FAM186B: variants seen among roughly 807,000 people sequenced by gnomAD.
FAM186B encodes family with sequence similarity 186 member B, also known as protein FAM186B.
Under a neutral mutation model 83.4 loss-of-function variants are expected in FAM186B, and 68 were observed. The observed-to-expected ratio is 0.81, with a 90% CI of 0.67 to 1.00. The LOEUF (loss-of-function observed/expected upper bound fraction) is 1.00. Ranked by LOEUF, FAM186B falls within the 50% of genes least tolerant of loss-of-function variation. The probability of loss-of-function intolerance (pLI) is 0.00; values close to 1 mark genes in which losing one functional copy is unlikely to be tolerated. For missense variants in FAM186B, 983 were observed against 1,099.2 expected (o/e 0.89, Z 1.49); for synonymous variants, 389 against 422.0 (o/e 0.92, Z 0.96).
chr12:49,609,128 G>T (rs1434258543), upstream of FAM186B, among the ~76,000 whole-genome samples: 1 of 152,184 alleles, frequency 6.6e-6, no homozygotes, highest in African/African-American at 2.4e-5. Context: ...CCTGTCACAG[G>T]ACTGGGGTGG....
downstream of FAM186B, among the ~76,000 whole-genome samples, chr12:49,585,429 GACACAC>G (rs564562847): frequency 6.6e-6 from 1 of 152,170 alleles, no homozygotes; most frequent in Admixed American, 6.5e-5. Flanking sequence ...GGGATCTGCA[GACACAC>G]ACAGCTCTCC....
At chr12:49,612,889 T>C in the FAM186B span, among the ~76,000 whole-genome samples, 2 of 152,144 alleles carry the variant, frequency 1.3e-5, no homozygotes, top group Admixed American at 6.6e-5. Flanking sequence ...TTGGACCTAA[T>C]AGACATTTAC....
chr12:49,588,090 G>A (rs1939490730), intron 6 of FAM186B, among the ~76,000 whole-genome samples: 2 of 152,230 alleles, frequency 1.3e-5, no homozygotes, highest in African/African-American at 4.8e-5. Flanking sequence ...AGAGCCTGCA[G>A]GTCACATGGT....
chr12:49,595,453 C>T (rs1221601624), intron 5 of FAM186B: 1 of 489,286 alleles, frequency 2.0e-6, no homozygotes, highest in Non-Finnish European at 4.1e-6. Context: ...TCCTACTGCT[C>T]TGATGGCTCA....
upstream of FAM186B, chr12:49,605,753 C>CTTTTT (rs200117345): frequency 8.3e-5 from 19 of 228,940 alleles, 1 homozygote; most frequent in African/African-American, 2.0e-4. Context: ...GACTTGTTGC[C>CTTTTT]TTTTCTTTTT....
At position 49,598,831 on chromosome 12, in the gene FAM186B, G is replaced by T. The variant is rs780764330; in HGVS notation, c.2288C>A (p.Ala763Asp). 4 of 1,613,216 alleles carry T rather than the reference G, an allele frequency of 2.5e-6. No homozygotes were observed. The highest frequency in any genetic ancestry group is 3.4e-6 in the Non-Finnish European group (4 of 1,179,888). ...IDRLQSLRLQ[A>D]WTDKQKGLEE... ...CAGCCCCTTCTGCTTGTCCGTCCAG[G>T]CCTGCAGCCTGAGACTCTGCAGGCG... The change falls in exon 5 of 7, where the codon GCC (alanine) becomes GAC (aspartate). Residue 763 changes from alanine (A) to aspartate (D), a missense_variant. Coordinates refer to ENST00000257894, the MANE Select transcript of FAM186B (RefSeq NM_032130.3).
the FAM186B span, among the ~76,000 whole-genome samples, chr12:49,620,722 T>C: frequency 6.6e-6 from 1 of 152,228 alleles, no homozygotes; most frequent in Non-Finnish European, 1.5e-5. Flanking sequence ...TTTGCTGCTG[T>C]AATATAAGGA....
the FAM186B span, among the ~76,000 whole-genome samples, chr12:49,621,101 A>G: frequency 6.6e-6 from 1 of 152,220 alleles, no homozygotes; most frequent in Admixed American, 6.5e-5. Flanking sequence ...AGAGTGAGGC[A>G]GCCAGGCAAA....
At chr12:49,606,025 G>T (rs1430441554), upstream of FAM186B, among the ~76,000 whole-genome samples, 1 of 151,966 alleles carries the variant, frequency 6.6e-6, no homozygotes, top group African/African-American at 2.4e-5. Flanking sequence ...GCCTCCCAAA[G>T]TGCTGGGATT....
intron 5 of FAM186B, among the ~76,000 whole-genome samples, chr12:49,591,178 G>C (rs941532125): frequency 6.6e-6 from 1 of 152,196 alleles, no homozygotes; most frequent in Non-Finnish European, 1.5e-5. Flanking sequence ...TGAGGAGACA[G>C]CATCTGGGTA....
chr12:49,589,433 C>G (rs372984384), intron 5 of FAM186B, among the ~76,000 whole-genome samples: 198 of 152,278 alleles, frequency 1.3e-3, no homozygotes, highest in South Asian at 0.011. Context: ...GCCAGTGTTG[C>G]AAATGAAGGA....
chr12:49,608,640 C>G (rs1158396045), upstream of FAM186B, among the ~76,000 whole-genome samples: 1 of 151,664 alleles, frequency 6.6e-6, no homozygotes, highest in East Asian at 1.9e-4. Flanking sequence ...GGGAATCCAA[C>G]AGAATCATGA....
In FAM186B at chr12:49,599,746, A is replaced by G. The variant is rs1268654822; in HGVS notation, c.1894T>C (p.Ser632Pro). The change falls in exon 4 of 7, where the codon TCT becomes CCT. Residue 632 changes from serine (S) to proline (P), a missense_variant. Transcript: ENST00000257894. ...GTCCCAGTGACAGGAAAGGAGGCAG[A>G]TTTCTTGGGCTTTGTGGGAACTCGG... ...TRRVPTKPKKSASFPVTGTSI... is the reference protein window; with the variant it reads ...TRRVPTKPKKPASFPVTGTSI... 1 of 1,613,956 alleles carries G rather than the reference A, an allele frequency of 6.2e-7. No individual in the cohort carries two copies. Among genetic ancestry groups the G allele is most frequent in the East Asian group, 2.2e-5 (1 of 44,886 alleles).
At chr12:49,605,204 T>C in intron 1 of FAM186B, 178 bp downstream of exon 1, 1 of 1,433,738 alleles carries the variant, frequency 7.0e-7, no homozygotes, top group Non-Finnish European at 9.1e-7. Context: ...CAGCTCACCC[T>C]GTATATGCCA....
chr12:49,618,600 C>G, the FAM186B span, among the ~76,000 whole-genome samples: 7 of 151,850 alleles, frequency 4.6e-5, no homozygotes, highest in South Asian at 2.1e-4. Context: ...TAAGATAACC[C>G]TGAAACAAAA....
At chr12:49,606,855 T>C (rs1592559057), upstream of FAM186B, among the ~76,000 whole-genome samples, 1 of 152,212 alleles carries the variant, frequency 6.6e-6, no homozygotes, top group Non-Finnish European at 1.5e-5. Flanking sequence ...ACAATGATCA[T>C]ATAAACCATA....
At chr12:49,620,686 T>C in the FAM186B span, among the ~76,000 whole-genome samples, 2 of 152,192 alleles carry the variant, frequency 1.3e-5, no homozygotes, top group South Asian at 2.1e-4. Context: ...TCTAGTTTAG[T>C]TCTTTTGTAA....
At chr12:49,592,840 C>T (rs1939613431) in intron 5 of FAM186B, among the ~76,000 whole-genome samples, 1 of 151,938 alleles carries the variant, frequency 6.6e-6, no homozygotes, top group African/African-American at 2.4e-5. Context: ...TGTAATATGT[C>T]AGGAGTGGAG....
Position 49,604,522 on chromosome 12 carries a change from A to G in FAM186B, c.113T>C (p.Leu38Pro), listed in dbSNP as rs1308147172. The change falls in exon 2 of 7, where the codon CTC (leucine) becomes CCC (proline). Residue 38 changes from leucine (L) to proline (P), a missense_variant. Physicochemically the swap from Leu to Pro is moderately conservative, Grantham distance 98 (BLOSUM62 -3). Transcript: ENST00000257894. ...TRAQEDISTQ[L>P]SDILDNVNCV... ...ATTGACATTGTCCAAAATGTCTGAG[A>G]GCTGGGTAGAAATATCCTATAGAGA... 6.2e-7 allele frequency: 1 copy of G among 1,614,090 alleles called. No individual in the cohort carries two copies. Among genetic ancestry groups the G allele is most frequent in the South Asian group, 1.1e-5 (1 of 91,080 alleles).
Sources: allele counts gnomAD v4.1 joint callset (sites outside exome capture counted in the v4.1 genomes callset), GRCh38; gene constraint gnomAD v4.1.1; transcripts MANE v1.5; gene names NCBI Gene and HGNC (gene_info 2026-07-23, HGNC 2026-07-21).